Variants in IFT88 observed in about 807,000 individuals in gnomAD.
IFT88 encodes the protein intraflagellar transport protein 88 homolog.
A neutral mutation model predicts 119.5 loss-of-function variants in IFT88; 74 were observed. That is an observed-to-expected ratio of 0.62 (90% CI 0.51 to 0.75). The LOEUF is 0.75. Among genes scored for constraint, IFT88 ranks in the 30% least tolerant of loss-of-function variants. The pLI, the probability that IFT88 is intolerant of heterozygous loss-of-function variation, is 0.00. For synonymous variants in IFT88, 279 were observed against 316.7 expected (o/e 0.88, Z 1.26); for missense variants, 961 against 977.7 (o/e 0.98, Z 0.23).
At chr13:20,647,911 T>C (rs2050986467) in intron 20 of IFT88, among the ~76,000 whole-genome samples, 1 of 152,150 alleles carries the variant, frequency 6.6e-6, no homozygotes, top group Non-Finnish European at 1.5e-5. Context: ...ATGATCAAAC[T>C]GTCCAAAAAC....
intron 15 of IFT88, among the ~76,000 whole-genome samples, chr13:20,627,670 G>A (rs1383078867): frequency 1.5e-5 from 2 of 137,400 alleles, no homozygotes; most frequent in African/African-American, 5.4e-5. Flanking sequence ...GGCAGAAGTT[G>A]CAATGAGCTG....
rs759631317 is a variant in IFT88 at position 20,691,081 on chromosome 13, C to G, written c.2381C>G (p.Pro794Arg). 1 of 1,613,982 alleles carries G rather than the reference C, an allele frequency of 6.2e-7. No homozygotes were observed. Among genetic ancestry groups the G allele is most frequent in the Non-Finnish European group, 8.5e-7 (1 of 1,179,926 alleles). Reference protein sequence around the residue: ...IDASYVDPLGPQIERPKTAAK... With the variant: ...IDASYVDPLGRQIERPKTAAK... ...GCCTCCTATGTGGACCCACTTGGCC[C>G]TCAAATAGAACGACCAAAAACTGCA... Residue 794 changes from proline (P) to arginine (R), a missense_variant, in exon 26 of 26, where the codon CCT becomes CGT. By Grantham distance (103) the Pro-to-Arg change is moderately radical (BLOSUM62 -2). Transcript: ENST00000351808.
intron 16 of IFT88, among the ~76,000 whole-genome samples, chr13:20,635,695 A>G (rs950202588): frequency 2.6e-5 from 4 of 152,108 alleles, no homozygotes; most frequent in Admixed American, 2.6e-4. Flanking sequence ...GGACACAGGG[A>G]GGAGAGCATC....
chr13:20,630,453 A>T (rs1259390952), intron 15 of IFT88, among the ~76,000 whole-genome samples: 1 of 152,236 alleles, frequency 6.6e-6, no homozygotes, highest in Non-Finnish European at 1.5e-5. Context: ...TGTAAAGATC[A>T]AATTTGATCA....
At chr13:20,570,318 C>T (rs1443185959) in intron 1 of IFT88, among the ~76,000 whole-genome samples, 3 of 152,116 alleles carry the variant, frequency 2.0e-5, no homozygotes, top group African/African-American at 7.2e-5. Flanking sequence ...TCTAGCTGTT[C>T]CTCCAAAAGT....
chr13:20,655,030 T>C (rs1227895255), intron 21 of IFT88, among the ~76,000 whole-genome samples: 1 of 152,186 alleles, frequency 6.6e-6, no homozygotes, highest in Non-Finnish European at 1.5e-5. Flanking sequence ...TTTGCTAAGA[T>C]TTTAGGAAAG....
intron 24 of IFT88, among the ~76,000 whole-genome samples, chr13:20,673,150 T>G (rs977160790): frequency 1.3e-5 from 2 of 152,190 alleles, no homozygotes; most frequent in African/African-American, 4.8e-5. Context: ...GATTCTGCAT[T>G]TCTCTCTGAA....
In IFT88 at chr13:20,646,567, C is replaced by G. The variant is rs1415587087; in HGVS notation, c.1949+1609C>G. Among the ~76,000 whole-genome samples, 3 of 152,128 alleles carry G rather than the reference C, an allele frequency of 2.0e-5. No individual in the cohort carries two copies. The East Asian group carries it at 5.8e-4, about 29-fold the overall frequency. On this transcript the variant is annotated intron_variant, in intron 20 of 25. Transcript: ENST00000351808. ...TCCTGACCTCAAGTGATCCATTCGC[C>G]TCAGCCTCCCAAAGTGCTGGGATTA...
At chr13:20,597,526 C>G (rs1335561277) in intron 9 of IFT88, among the ~76,000 whole-genome samples, 1 of 152,050 alleles carries the variant, frequency 6.6e-6, no homozygotes, top group Non-Finnish European at 1.5e-5. Flanking sequence ...GGGCAGATCA[C>G]AAGGTCAGGA....
intron 17 of IFT88, 143 bp from the exon 18 acceptor site, chr13:20,641,147 C>CA (rs1156449502): frequency 1.8e-6 from 1 of 569,890 alleles, no homozygotes; most frequent in Non-Finnish European, 3.0e-6. Flanking sequence ...GACCCTGTAT[C>CA]AAAAAACAAA....
At chr13:20,667,358 G>T (rs1043049275) in intron 23 of IFT88, among the ~76,000 whole-genome samples, 2 of 152,264 alleles carry the variant, frequency 1.3e-5, no homozygotes, top group African/African-American at 2.4e-5. Context: ...ATGTACCCAT[G>T]CCTGTGCTAG....
chr13:20,574,087 G>T (rs550000468), intron 1 of IFT88, among the ~76,000 whole-genome samples: 37 of 152,306 alleles, frequency 2.4e-4, no homozygotes, highest in African/African-American at 8.7e-4. Context: ...AGCATTTTGG[G>T]AGGCCAAAGT....
Position 20,644,851 on chromosome 13 carries a change from G to T in IFT88, c.1842G>T (p.Arg614Ser), listed in dbSNP as rs1308291155. 6.7e-7 allele frequency: 1 copy of T among 1,497,654 alleles called. No individual in the cohort carries two copies. Among genetic ancestry groups the T allele is most frequent in the South Asian group, 1.2e-5 (1 of 85,392 alleles). The allele number at this position is 1,497,654 out of a possible 1,614,324, so 92.8% of individuals were successfully genotyped here. A position where few individuals can be genotyped will look rare whatever the true frequency, so the allele number is the denominator to read the frequency against. ...QAFQYYYESYRYFPCNIEVIE... is the reference protein window; with the variant it reads ...QAFQYYYESYSYFPCNIEVIE... ...CCATATTTGTTTTACAGTCATATAG[G>T]TATTTTCCTTGTAATATTGAAGTCA... The change falls in exon 20 of 26, where the codon AGG (arginine) becomes AGT (serine). Residue 614 changes from arginine (R) to serine (S), a missense_variant. Arg to Ser is a moderately radical substitution (Grantham distance 110). Transcript: ENST00000351808.
intron 17 of IFT88, among the ~76,000 whole-genome samples, chr13:20,640,570 C>CT (rs1386644713): frequency 1.1e-4 from 8 of 74,302 alleles, no homozygotes; most frequent in Non-Finnish European, 2.0e-4. Context: ...GACTCCGTCT[C>CT]AAAATAAATA....
intron 13 of IFT88, chr13:20,614,559 G>C (rs1477287102): frequency 1.3e-5 from 2 of 152,162 alleles, no homozygotes; most frequent in African/African-American, 4.8e-5. Context: ...TGTTAGGAGA[G>C]ATGAAGAAGG....
At chr13:20,644,554 C>T (rs1260504874) in intron 19 of IFT88, among the ~76,000 whole-genome samples, 1 of 151,776 alleles carries the variant, frequency 6.6e-6, no homozygotes, top group Non-Finnish European at 1.5e-5. Context: ...GTTCATTTTT[C>T]TCTTGAGGCA....
intron 22 of IFT88, among the ~76,000 whole-genome samples, chr13:20,660,998 C>A (rs534765545): frequency 6.6e-6 from 1 of 152,110 alleles, no homozygotes; most frequent in South Asian, 2.1e-4. Flanking sequence ...TTAAGACTTT[C>A]CTGTTTCTTT....
At chr13:20,629,940 C>T (rs2047934404) in intron 15 of IFT88, among the ~76,000 whole-genome samples, 1 of 152,182 alleles carries the variant, frequency 6.6e-6, no homozygotes, top group Non-Finnish European at 1.5e-5. Flanking sequence ...GTTGAATACT[C>T]ATTCACCTTT....
At chr13:20,647,685 G>T (rs1393152290) in intron 20 of IFT88, among the ~76,000 whole-genome samples, 1 of 152,078 alleles carries the variant, frequency 6.6e-6, no homozygotes, top group Non-Finnish European at 1.5e-5. Context: ...AATATTGATT[G>T]TGATGATGGT....
Sources: allele counts gnomAD v4.1 joint callset (sites outside exome capture counted in the v4.1 genomes callset), GRCh38; gene constraint gnomAD v4.1.1; transcripts MANE v1.5; gene names NCBI Gene and HGNC (gene_info 2026-07-23, HGNC 2026-07-21).